Variants in DSC1 observed in about 807,000 individuals in gnomAD.
The protein encoded by DSC1 is desmocollin-1.
In DSC1, 79 loss-of-function variants were observed where a neutral mutation model predicts 98.8. The ratio of observed to expected loss-of-function variants is 0.80; its 90% CI spans 0.67 to 0.96. The LOEUF (loss-of-function observed/expected upper bound fraction) is 0.96, where lower values mean the gene tolerates loss of function less well. DSC1 is among the 50% of genes least tolerant of loss of function. The pLI, the probability that DSC1 is intolerant of heterozygous loss-of-function variation, is 0.00. For missense variants in DSC1, 1,115 were observed against 1,075.9 expected, an observed-to-expected ratio of 1.04 and a Z score of -0.51; for synonymous variants, 405 against 372.1, an observed-to-expected ratio of 1.09 and a Z score of -1.02.
At chr18:31,155,914 G>T in intron 4 of DSC1, 129 bp downstream of exon 4, 1 of 966,570 alleles carries the variant, frequency 1.0e-6, no homozygotes, top group Non-Finnish European at 1.5e-6. Context: ...CCCTAGTTCT[G>T]GTGAATAGAT....
chr18:31,133,954 G>A lies in DSC1; in HGVS notation c.2053C>T (p.Pro685Ser). Residue 685 changes from proline (P) to serine (S), a missense_variant, in exon 13 of 16, where the codon CCA (proline) becomes TCA (serine). Transcript: ENST00000257198. ...MKDKSTRDVRPNVILGRWAIL... is the reference protein window; with the variant it reads ...MKDKSTRDVRSNVILGRWAIL... ...GCCCATCTTCCAAGTATTACATTTG[G>A]TCTAACGTCTCTTGTACTTTTATCC... 1 of 1,613,184 alleles carries A rather than the reference G, an allele frequency of 6.2e-7. No individual in the cohort carries two copies. The highest frequency in any genetic ancestry group is 8.5e-7 in the Non-Finnish European group (1 of 1,179,584).
chr18:31,139,564 T>C (rs1988684282), intron 11 of DSC1, among the ~76,000 whole-genome samples, 184 bp downstream of exon 11: 1 of 152,182 alleles, frequency 6.6e-6, no homozygotes, highest in Non-Finnish European at 1.5e-5. Context: ...GGCCATTCAC[T>C]ACCTCATAGC....
chr18:31,131,157 G>T (rs982560816), intron 15 of DSC1, among the ~76,000 whole-genome samples: 1 of 151,986 alleles, frequency 6.6e-6, no homozygotes, highest in Non-Finnish European at 1.5e-5. Flanking sequence ...ACAAAACAAG[G>T]AACTAAAACT....
In DSC1 at chr18:31,148,469, T is replaced by C. The variant is rs374632068; in HGVS notation, c.772+29A>G. 6 of 1,560,496 alleles carry C rather than the reference T, an allele frequency of 3.8e-6. No homozygotes were observed. The African/African-American group carries it at 8.1e-5, about 21-fold the overall frequency. ...CTTACGAAATGTCAAATAGTCTTCT[T>C]GTCATGCTACAATAAAATGTGAACT... is the stretch of plus-strand genomic sequence containing the variant. On this transcript the variant is annotated intron_variant, in intron 6 of 15. Coordinates refer to ENST00000257198, the MANE Select transcript of DSC1 (RefSeq NM_024421.2).
intron 3 of DSC1, among the ~76,000 whole-genome samples, chr18:31,156,390 T>C (rs1989098698): frequency 3.9e-5 from 6 of 152,164 alleles, no homozygotes; most frequent in Admixed American, 3.3e-4. Context: ...AGGAAATGTA[T>C]AGGGCATTTG....
chr18:31,141,878 A>G, intron 9 of DSC1, 121 bp downstream of exon 9: 1 of 942,824 alleles, frequency 1.1e-6, no homozygotes, highest in Non-Finnish European at 1.5e-6. Context: ...ATATAAACCA[A>G]TATAAATCAT....
chr18:31,140,986 T>A (rs994378319), intron 9 of DSC1, among the ~76,000 whole-genome samples: 2 of 152,050 alleles, frequency 1.3e-5, no homozygotes, highest in Non-Finnish European at 2.9e-5. Flanking sequence ...TTATCAGGGG[T>A]TTCTGCTTTT....
At chr18:31,142,951 T>C (rs1389219061) in intron 8 of DSC1, among the ~76,000 whole-genome samples, 1 of 152,118 alleles carries the variant, frequency 6.6e-6, no homozygotes, top group African/African-American at 2.4e-5. Flanking sequence ...TAGGGATTCA[T>C]GTAAGAAATT....
Position 31,134,715 on chromosome 18 carries a change from T to C in DSC1, c.1733A>G (p.Asp578Gly), listed in dbSNP as rs1280533844. 1.2e-6 allele frequency: 2 copies of C among 1,613,306 alleles called. No homozygotes were observed. The highest frequency in any genetic ancestry group is 2.2e-5 in the South Asian group (2 of 91,028). ...ATTCTGACAAATGGTCACTTCTTTGTCAATTTGAGGTGCGTGATCGTTGTA... is the reference window on the plus strand; with the variant it reads ...ATTCTGACAAATGGTCACTTCTTTGCCAATTTGAGGTGCGTGATCGTTGTA... ...DDYNDHAPQI[D>G]KEVTICQNNE... Residue 578 changes from aspartate (D) to glycine (G), a missense_variant, in exon 12 of 16, where the codon GAC (aspartate) becomes GGC (glycine). Physicochemically the swap from Asp to Gly is moderately conservative, Grantham distance 94. Coordinates refer to ENST00000257198, the MANE Select transcript of DSC1 (RefSeq NM_024421.2).
At chr18:31,136,819 AT>A (rs1489779198) in intron 11 of DSC1, among the ~76,000 whole-genome samples, 2 of 152,226 alleles carry the variant, frequency 1.3e-5, no homozygotes, top group African/African-American at 4.8e-5. Context: ...CTTAGAAGAT[AT>A]CAAAAATTAC....
At chr18:31,145,878 C>T (rs1414180233) in intron 6 of DSC1, 101 bp from the exon 7 acceptor site, 9 of 1,245,776 alleles carry the variant, frequency 7.2e-6, no homozygotes, top group Non-Finnish European at 1.0e-5. Flanking sequence ...CTCCCCCAAA[C>T]CACAAGTAGA....
chr18:31,143,621 A>G, intron 8 of DSC1, 36 bp downstream of exon 8: 1 of 1,438,980 alleles, frequency 6.9e-7, no homozygotes, highest in Non-Finnish European at 9.2e-7. Flanking sequence ...GAAAAAGTAG[A>G]TAAATCTAGA....
chr18:31,132,534 C>G (rs770663239), intron 14 of DSC1, 34 bp downstream of exon 14: 6 of 1,608,100 alleles, frequency 3.7e-6, no homozygotes, highest in Middle Eastern at 1.7e-4. Context: ...ATTTGTTCAC[C>G]GTACAATTCA....
At chr18:31,139,687 A>G in intron 11 of DSC1, 61 bp downstream of exon 11, 2 of 1,440,512 alleles carry the variant, frequency 1.4e-6, no homozygotes, top group African/African-American at 1.4e-5. Context: ...AGATTTCACC[A>G]CAAGGTTTCC....
At position 31,149,731 on chromosome 18, in the gene DSC1, A is replaced by G. The variant is rs112993244; in HGVS notation, c.628-1089T>C. On this transcript the variant is annotated intron_variant, in intron 5 of 15. Coordinates refer to ENST00000257198, the MANE Select transcript of DSC1 (RefSeq NM_024421.2). Reference sequence around the variant, plus strand: ...CTAAATTAACCACAAAATCCTCATTATTGTGTTAAAAGGCAACATTTCATG... The same window carrying G: ...CTAAATTAACCACAAAATCCTCATTGTTGTGTTAAAAGGCAACATTTCATG... Among the ~76,000 whole-genome samples, 1,442 of 152,268 alleles carry G rather than the reference A, an allele frequency of 9.5e-3. 18 individuals are homozygous for G. The highest frequency in any genetic ancestry group is 0.032 in the African/African-American group (1,340 of 41,532).
At chr18:31,143,620 GA>G in intron 8 of DSC1, 36 bp downstream of exon 8, 1 of 1,434,088 alleles carries the variant, frequency 7.0e-7, no homozygotes, top group South Asian at 1.6e-5. Context: ...TGAAAAAGTA[GA>G]TAAATCTAGA....
chr18:31,134,207 G>T, intron 12 of DSC1, 77 bp from the exon 13 acceptor site: 1 of 1,486,080 alleles, frequency 6.7e-7, no homozygotes, highest in South Asian at 1.3e-5. Flanking sequence ...TATTCTCAGT[G>T]GAAGGGAATC....
Position 31,142,073 on chromosome 18 carries a change from G to A in DSC1, c.1186C>T (p.Gln396Ter), listed in dbSNP as rs2144931099. The A allele has an allele frequency of 3.7e-6, 6 of 1,612,740 alleles. No homozygotes were observed. The highest frequency in any genetic ancestry group is 5.1e-6 in the Non-Finnish European group (6 of 1,179,576). ...ATGAAGTTTCCATTTTCATTTCCTT[G>A]TAGGATTTTGTATACAGCCTTTGAG... ...PHSKAVYKIL[Q>*]GNENGNFIIS... The change falls in exon 9 of 16, where the codon CAA (glutamine) becomes TAA (stop). Residue 396 changes from glutamine (Q) to a stop codon, truncating the protein, a stop_gained. Coordinates refer to ENST00000257198, the MANE Select transcript of DSC1 (RefSeq NM_024421.2). LOFTEE classifies it high-confidence loss of function.
At chr18:31,143,383 A>C (rs1988777027) in intron 8 of DSC1, among the ~76,000 whole-genome samples, 1 of 136,864 alleles carries the variant, frequency 7.3e-6, no homozygotes, top group African/African-American at 3.4e-5. Context: ...CAAAAAAATA[A>C]AATAAAATAA....
Sources: allele counts gnomAD v4.1 joint callset (sites outside exome capture counted in the v4.1 genomes callset), GRCh38; gene constraint gnomAD v4.1.1; transcripts MANE v1.5; gene names NCBI Gene and HGNC (gene_info 2026-07-23, HGNC 2026-07-21).